The following P2RY14 variants were observed in gnomAD, a reference collection of about 807,000 sequenced individuals.
P2RY14 encodes the protein P2Y purinoceptor 14.
Under a neutral mutation model 0.9 loss-of-function variants are expected in P2RY14, and 2 were observed. The observed-to-expected ratio is 2.16, with a 90% CI of 0.88 to 6.79. The LOEUF is 6.79. Ranked by LOEUF, P2RY14 falls within the 30% of genes most tolerant of loss-of-function variation. The probability of loss-of-function intolerance (pLI) is 0.05; values close to 1 mark genes in which losing one functional copy is unlikely to be tolerated. For missense variants in P2RY14, 378 were observed against 400.1 expected, an observed-to-expected ratio of 0.94 and a Z score of 0.47; for synonymous variants, 158 against 147.2, an observed-to-expected ratio of 1.07 and a Z score of -0.53.
chr3:151,237,448 C>T (rs1198422939), intron 1 of P2RY14, among the ~76,000 whole-genome samples: 1 of 139,354 alleles, frequency 7.2e-6, no homozygotes, highest in African/African-American at 2.7e-5. Context: ...CTCCTGGGTT[C>T]AAGCGATTCT....
intron 1 of P2RY14, among the ~76,000 whole-genome samples, chr3:151,246,257 T>G (rs553054924): frequency 6.6e-6 from 1 of 152,074 alleles, no homozygotes; most frequent in African/African-American, 2.4e-5. Context: ...CTTCACAGAA[T>G]TGGAAAAAAC....
intron 1 of P2RY14, among the ~76,000 whole-genome samples, chr3:151,237,259 T>G (rs1014060180): frequency 2.0e-5 from 3 of 149,248 alleles, no homozygotes; most frequent in Non-Finnish European, 3.0e-5. Flanking sequence ...AGGCTGGTCT[T>G]GAACACCTGA....
In P2RY14 at chr3:151,213,497, G is replaced by A. The variant is rs145589776; in HGVS notation, c.820C>T (p.Arg274Trp). Residue 274 changes from arginine to tryptophan, a missense_variant, in exon 3 of 3, where the codon CGG becomes TGG. Physicochemically the swap from Arg to Trp is moderately radical, Grantham distance 101 (BLOSUM62 -3). Coordinates refer to ENST00000309170, the MANE Select transcript of P2RY14 (RefSeq NM_014879.4). ...AGCAGAGTGAATTCTTTCATATACC[G>A]CAAGATTTCTTTTGACTGGCAGCTG... ...HYSCQSKEIL[R>W]YMKEFTLLLS... 6.4e-5 allele frequency: 103 copies of A among 1,613,878 alleles called. 3 individuals carry two copies. The South Asian group carries it at 1.0e-3, about 16-fold the overall frequency.
At chr3:151,268,854 T>C (rs548411861) in intron 1 of P2RY14, among the ~76,000 whole-genome samples, 10 of 152,090 alleles carry the variant, frequency 6.6e-5, no homozygotes, top group Non-Finnish European at 1.3e-4. Context: ...TAGAGGAAAA[T>C]GTAAAATACC....
chr3:151,234,532 C>G (rs1478409276), intron 1 of P2RY14, among the ~76,000 whole-genome samples: 1 of 152,074 alleles, frequency 6.6e-6, no homozygotes, highest in Non-Finnish European at 1.5e-5. Context: ...TTCAGTTAAC[C>G]CAGCAAATGG....
At chr3:151,267,354 G>A (rs1740036619) in intron 1 of P2RY14, among the ~76,000 whole-genome samples, 1 of 152,204 alleles carries the variant, frequency 6.6e-6, no homozygotes, top group African/African-American at 2.4e-5. Flanking sequence ...AGTGTATAAT[G>A]TAATCAAATT....
chr3:151,224,291 T>C (rs1730033697), intron 1 of P2RY14, among the ~76,000 whole-genome samples: 2 of 152,208 alleles, frequency 1.3e-5, no homozygotes, highest in Non-Finnish European at 2.9e-5. Context: ...TAATACACAG[T>C]GCTCTGGATC....
rs1220995 is a variant in P2RY14, at chr3:151,213,284, G to A, written c.*16C>T. On this transcript the variant is annotated 3_prime_UTR_variant, in exon 3 of 3. Coordinates refer to ENST00000309170, the MANE Select transcript of P2RY14 (RefSeq NM_014879.4). ...CAACATGCACACGTGGTCTTTCTTTGGAAGAGGGTAGGAACTCACAAAGTA... is the reference window on the plus strand; with the variant it reads ...CAACATGCACACGTGGTCTTTCTTTAGAAGAGGGTAGGAACTCACAAAGTA... 0.032 allele frequency: 50,362 copies of A among 1,562,700 alleles called. 1,281 individuals are homozygous for A. Among genetic ancestry groups the A allele is most frequent in the Admixed American group, 0.12 (6,033 of 51,138 alleles).
intron 1 of P2RY14, among the ~76,000 whole-genome samples, chr3:151,263,954 T>C (rs376836061): frequency 6.6e-6 from 1 of 152,232 alleles, no homozygotes; most frequent in Non-Finnish European, 1.5e-5. Context: ...CAGATAACGA[T>C]GGACAGAGGC....
rs139056824 is a variant in P2RY14 at position 151,248,169 on chromosome 3, C to T, written c.-132-28527G>A. Reference sequence around the variant, plus strand: ...GAATGTTTGTTATTTAAATGTTTAACGCTCAGAGGAAGCAATCAGAAGAAC... The same window carrying T: ...GAATGTTTGTTATTTAAATGTTTAATGCTCAGAGGAAGCAATCAGAAGAAC... On this transcript the variant is annotated intron_variant, in intron 1 of 2. Coordinates refer to ENST00000309170, the MANE Select transcript of P2RY14 (RefSeq NM_014879.4). 7.0e-3 allele frequency among the ~76,000 whole-genome samples: 1,068 copies of T among 151,860 alleles called. 4 individuals are homozygous for T. The highest frequency in any genetic ancestry group is 0.012 in the Non-Finnish European group (796 of 67,932).
chr3:151,225,953 G>A (rs1730410363), intron 1 of P2RY14, among the ~76,000 whole-genome samples: 1 of 152,154 alleles, frequency 6.6e-6, no homozygotes, highest in Non-Finnish European at 1.5e-5. Flanking sequence ...TTTGGCTCCT[G>A]TGTACCCCTG....
At chr3:151,219,019 A>G (rs1173740542) in intron 2 of P2RY14, among the ~76,000 whole-genome samples, 1 of 152,112 alleles carries the variant, frequency 6.6e-6, no homozygotes, top group East Asian at 1.9e-4. Flanking sequence ...TACATTGTCT[A>G]CTGTCACTTT....
At chr3:151,227,321 A>G (rs1193435171) in intron 1 of P2RY14, among the ~76,000 whole-genome samples, 3 of 152,162 alleles carry the variant, frequency 2.0e-5, no homozygotes, top group African/African-American at 4.8e-5. Context: ...TTCCCTCTTG[A>G]TCTTCGTATT....
In P2RY14 at chr3:151,245,323, G is replaced by A. The variant is rs551134531; in HGVS notation, c.-132-25681C>T. Among the ~76,000 whole-genome samples, 10 of 152,046 alleles carry A rather than the reference G, an allele frequency of 6.6e-5. No homozygotes were observed. The South Asian group carries it at 1.5e-3, about 22-fold the overall frequency. On this transcript the variant is annotated intron_variant, in intron 1 of 2. Coordinates refer to ENST00000309170, the MANE Select transcript of P2RY14 (RefSeq NM_014879.4). ...TGGGCAGAGACACAACCAACAAAGA[G>A]AATTTTAGACCAATATCCTTGATGA...
Position 151,242,236 on chromosome 3 carries a change from A to G in P2RY14, c.-132-22594T>C, listed in dbSNP as rs184764825. 9.3e-3 allele frequency among the ~76,000 whole-genome samples: 1,419 copies of G among 152,316 alleles called. 18 individuals carry two copies. Among genetic ancestry groups the G allele is most frequent in the African/African-American group, 0.032 (1,320 of 41,568 alleles). On this transcript the variant is annotated intron_variant, in intron 1 of 2. Transcript: ENST00000309170. ...TTGCCCAGGCTTGATTAGGTAAACA[A>G]AGCAGCCGGGAAGCTCAAACTGGGC...
chr3:151,273,460 C>T (rs1424897263), intron 1 of P2RY14, among the ~76,000 whole-genome samples: 5 of 137,820 alleles, frequency 3.6e-5, no homozygotes, highest in African/African-American at 1.4e-4. Flanking sequence ...CCAGGCTGGT[C>T]TGAAACTTCT....
At chr3:151,252,133 A>C (rs747808870) in intron 1 of P2RY14, among the ~76,000 whole-genome samples, 1 of 152,134 alleles carries the variant, frequency 6.6e-6, no homozygotes, top group Non-Finnish European at 1.5e-5. Flanking sequence ...CCTATGCAGG[A>C]TAAACTCACC....
In P2RY14 at chr3:151,212,638, A is replaced by G. The variant is rs1727361380; in HGVS notation, c.*662T>C. On this transcript the variant is annotated 3_prime_UTR_variant, in exon 3 of 3. Coordinates refer to ENST00000309170, the MANE Select transcript of P2RY14 (RefSeq NM_014879.4). ...AATGACGTAAGTCTTTGTAGAAAAC[A>G]TATTTAGCATGTATCTAATATCCTC... 1 of 152,160 alleles carries G rather than the reference A, an allele frequency of 6.6e-6. No homozygotes were observed. The highest frequency in any genetic ancestry group is 2.1e-4 in the South Asian group (1 of 4,834). 9.4% of individuals were successfully genotyped at this position (152,160 alleles called of 1,614,324 possible). A position where few individuals can be genotyped will look rare whatever the true frequency, so the allele number is the denominator to read the frequency against.
chr3:151,246,430 T>C (rs960559521), intron 1 of P2RY14, among the ~76,000 whole-genome samples: 9 of 151,690 alleles, frequency 5.9e-5, no homozygotes, highest in South Asian at 2.1e-4. Flanking sequence ...GAGATATAGA[T>C]CAATGGAACA....
Sources: gnomAD v4.1 joint callset for allele counts (sites outside exome capture counted in the v4.1 genomes callset) on GRCh38, gnomAD v4.1.1 for gene constraint, MANE v1.5 for transcripts, NCBI Gene and HGNC (gene_info 2026-07-23, HGNC 2026-07-21) for gene names.